GABRG3: variants seen among roughly 807,000 people sequenced by gnomAD.
The protein encoded by GABRG3 is gamma-aminobutyric acid type A receptor subunit gamma3.
GABRG3 carries 25 observed loss-of-function variants against 48.8 expected under a neutral mutation model. That is an observed-to-expected ratio of 0.51 (90% CI 0.37 to 0.72). The LOEUF is 0.72. Ranked by LOEUF, GABRG3 falls within the 30% of genes least tolerant of loss-of-function variation. GABRG3 has a pLI of 0.00. For missense variants in GABRG3, 394 were observed against 577.9 expected (o/e 0.68, Z 3.26); for synonymous variants, 227 against 217.6 (o/e 1.04, Z -0.38).
At chr15:27,284,815 T>C (rs1407094256) in intron 3 of GABRG3, among the ~76,000 whole-genome samples, 3 of 152,222 alleles carry the variant, frequency 2.0e-5, no homozygotes, top group Non-Finnish European at 4.4e-5. Context: ...AACACTTGTA[T>C]CTGTGTTTCT....
intron 5 of GABRG3, among the ~76,000 whole-genome samples, chr15:27,388,310 G>A (rs1235015791): frequency 6.4e-4 from 32 of 49,974 alleles, no homozygotes; most frequent in Non-Finnish European, 1.1e-3. Context: ...GAAGGAAAGG[G>A]AGGGAGGGAA....
intron 5 of GABRG3, among the ~76,000 whole-genome samples, chr15:27,369,593 G>A (rs181422404): frequency 1.4e-4 from 22 of 152,102 alleles, no homozygotes; most frequent in African/African-American, 2.2e-4. Flanking sequence ...CAAGGTGGGC[G>A]GATCATGAGG....
chr15:27,277,244 G>T (rs916361806), intron 3 of GABRG3, among the ~76,000 whole-genome samples: 2 of 152,288 alleles, frequency 1.3e-5, no homozygotes, highest in Non-Finnish European at 1.5e-5. Flanking sequence ...TGAGAAAGGG[G>T]CAAATAAAAT....
chr15:27,222,143 TG>T (rs1889474126), intron 3 of GABRG3, among the ~76,000 whole-genome samples: 1 of 152,246 alleles, frequency 6.6e-6, no homozygotes, highest in South Asian at 2.1e-4. Flanking sequence ...ATGCCCCAAA[TG>T]GCTCTCTGCT....
chr15:27,380,139 CG>C (rs940262160), intron 5 of GABRG3, among the ~76,000 whole-genome samples: 1 of 151,734 alleles, frequency 6.6e-6, no homozygotes, highest in African/African-American at 2.4e-5. Flanking sequence ...TCAAGCTTAC[CG>C]TTTTCTCAGC....
intron 2 of GABRG3, among the ~76,000 whole-genome samples, chr15:27,018,468 C>G (rs1895819034): frequency 6.6e-6 from 1 of 152,184 alleles, no homozygotes; most frequent in Non-Finnish European, 1.5e-5. Context: ...GCCTCCTTCC[C>G]TGTTACTTAT....
chr15:27,156,184 A>G (rs1332856887), intron 3 of GABRG3, among the ~76,000 whole-genome samples: 1 of 150,164 alleles, frequency 6.7e-6, no homozygotes. Flanking sequence ...CAGTAGTCCC[A>G]GTTACTTGGG....
intron 2 of GABRG3, among the ~76,000 whole-genome samples, chr15:26,984,923 G>A (rs1203389816): frequency 6.6e-6 from 1 of 152,212 alleles, no homozygotes; most frequent in Non-Finnish European, 1.5e-5. Context: ...TGACTGATGG[G>A]TTCACTGAAT....
intron 3 of GABRG3, among the ~76,000 whole-genome samples, chr15:27,306,449 TACATATAA>T (rs1039645203): frequency 1.1e-4 from 16 of 140,128 alleles, no homozygotes; most frequent in Non-Finnish European, 3.0e-5. Flanking sequence ...AACATATGTC[TACATATAA>T]ACATAAACAT....
chr15:27,232,753 T>G (rs1198285593), intron 3 of GABRG3, among the ~76,000 whole-genome samples: 1 of 152,240 alleles, frequency 6.6e-6, no homozygotes, highest in African/African-American at 2.4e-5. Context: ...CATTATGAAT[T>G]CAAATAATTT....
chr15:27,286,117 G>C (rs1891603044), intron 3 of GABRG3, among the ~76,000 whole-genome samples: 1 of 152,188 alleles, frequency 6.6e-6, no homozygotes, highest in East Asian at 1.9e-4. Flanking sequence ...AATGAAATGA[G>C]CTGTGCATTC....
intron 5 of GABRG3, among the ~76,000 whole-genome samples, chr15:27,472,757 A>G (rs1889823716): frequency 6.6e-6 from 1 of 152,156 alleles, no homozygotes; most frequent in African/African-American, 2.4e-5. Context: ...AATTTAAGTT[A>G]TTGGATCTTA....
chr15:27,416,730 G>A (rs1432939431), intron 5 of GABRG3, among the ~76,000 whole-genome samples: 4 of 152,088 alleles, frequency 2.6e-5, no homozygotes, highest in Admixed American at 2.6e-4. Flanking sequence ...TTTAGCCTCT[G>A]GGTTTCTGCC....
chr15:27,264,792 A>T (rs1044232289), intron 3 of GABRG3, among the ~76,000 whole-genome samples: 3 of 152,162 alleles, frequency 2.0e-5, no homozygotes, highest in African/African-American at 7.2e-5. Context: ...CTTAATTCTT[A>T]ATTCTTTTAT....
intron 3 of GABRG3, among the ~76,000 whole-genome samples, chr15:27,124,312 A>G (rs551947932): frequency 6.6e-6 from 1 of 152,170 alleles, no homozygotes; most frequent in Non-Finnish European, 1.5e-5. Flanking sequence ...GCTGTACCTA[A>G]TCTTCTAGGA....
chr15:27,130,909 T>C (rs997812950), intron 3 of GABRG3, among the ~76,000 whole-genome samples: 2 of 152,022 alleles, frequency 1.3e-5, no homozygotes, highest in African/African-American at 4.8e-5. Context: ...TCCTAACAGG[T>C]TTTTTTCTTT....
rs147790987 is a variant in GABRG3, at chr15:27,349,236, C to T, written c.574+20348C>T. Among the ~76,000 whole-genome samples, 835 of 151,802 alleles carry T rather than the reference C, an allele frequency of 5.5e-3. 7 individuals are homozygous for T. Among genetic ancestry groups the T allele is most frequent in the African/African-American group, 0.019 (789 of 41,358 alleles). ...ACACATTTTATAAATACTATATATA[C>T]GGTATGTATAAATTATATATAATTG... On this transcript the variant is annotated intron_variant, in intron 5 of 9. Transcript: ENST00000615808.
At chr15:27,167,622 C>T (rs1341925263) in intron 3 of GABRG3, among the ~76,000 whole-genome samples, 1 of 152,158 alleles carries the variant, frequency 6.6e-6, no homozygotes. Flanking sequence ...CTCAAGGGCG[C>T]CCACCTGGAG....
intron 5 of GABRG3, among the ~76,000 whole-genome samples, chr15:27,453,533 C>G (rs1889172618): frequency 6.6e-6 from 1 of 152,264 alleles, no homozygotes; most frequent in South Asian, 2.1e-4. Flanking sequence ...TCTCAGTAAC[C>G]TTTGAAATCT....
Sources: allele counts gnomAD v4.1 joint callset (sites outside exome capture counted in the v4.1 genomes callset), GRCh38; gene constraint gnomAD v4.1.1; transcripts MANE v1.5; gene names NCBI Gene and HGNC (gene_info 2026-07-23, HGNC 2026-07-21).